DMD: variants seen among roughly 807,000 people sequenced by gnomAD.
DMD encodes the protein mutant dystrophin.
In DMD, 63 loss-of-function variants were observed where a neutral mutation model predicts 330.1. That is an observed-to-expected ratio of 0.19 (90% CI 0.16 to 0.24). The LOEUF is 0.24. Ranked by LOEUF, DMD falls within the 10% of genes least tolerant of loss-of-function variation. The probability of loss-of-function intolerance (pLI) is 1.00; values close to 1 mark genes in which losing one functional copy is unlikely to be tolerated. For missense variants in DMD, 3,344 were observed against 2,684.1 expected, an observed-to-expected ratio of 1.25 and a Z score of -5.43; for synonymous variants, 1,223 against 959.8, an observed-to-expected ratio of 1.27 and a Z score of -5.07.
chrX:32,650,893 A>C (rs1243722161), intron 9 of DMD, among the ~76,000 whole-genome samples: 5 of 111,721 alleles, frequency 4.5e-5, no homozygotes, highest in Non-Finnish European at 9.4e-5. Context: ...CTAATCACTT[A>C]ACACGCATTA....
At chrX:32,594,261 C>T (rs1053031021) in intron 13 of DMD, among the ~76,000 whole-genome samples, 1 of 111,700 alleles carries the variant, frequency 9.0e-6, no homozygotes, top group Admixed American at 9.5e-5. Context: ...TTTCCCCCAT[C>T]TGTACCTCTT....
intron 21 of DMD, among the ~76,000 whole-genome samples, chrX:32,474,454 G>A (rs2041013875): frequency 9.0e-6 from 1 of 111,657 alleles, no homozygotes; most frequent in African/African-American, 3.3e-5. Context: ...TTCCATAGTG[G>A]CTGTACTTGT....
chrX:32,863,289 G>A (rs1403985733), intron 2 of DMD, among the ~76,000 whole-genome samples: 1 of 109,430 alleles, frequency 9.1e-6, no homozygotes, highest in African/African-American at 3.4e-5. Context: ...GGCCGAGAAG[G>A]GCAGATCACT....
chrX:32,430,872 C>T (rs1389393338), intron 29 of DMD, among the ~76,000 whole-genome samples: 3 of 111,757 alleles, frequency 2.7e-5, no homozygotes, highest in African/African-American at 6.5e-5. Flanking sequence ...CATGTTGTTA[C>T]AGCGAAATGG....
chrX:33,024,975 G>T (rs1277114646), intron 1 of DMD, among the ~76,000 whole-genome samples: 1 of 111,308 alleles, frequency 9.0e-6, no homozygotes, highest in Admixed American at 9.5e-5. Flanking sequence ...CTATGACCTG[G>T]ACATTGCACT....
At chrX:32,755,856 C>T (rs886719911) in intron 7 of DMD, among the ~76,000 whole-genome samples, 5 of 111,777 alleles carry the variant, frequency 4.5e-5, no homozygotes, top group African/African-American at 1.6e-4. Flanking sequence ...GTATGGGTTT[C>T]GCTTGTGCTA....
intron 2 of DMD, among the ~76,000 whole-genome samples, chrX:33,008,939 C>CTT (rs1374053511): frequency 4.3e-5 from 4 of 93,685 alleles, no homozygotes; most frequent in African/African-American, 1.1e-4. Context: ...TATATATACA[C>CTT]ACGTATATAT....
intron 56 of DMD, among the ~76,000 whole-genome samples, chrX:31,501,668 C>T (rs1817603787): frequency 8.9e-6 from 1 of 111,981 alleles, no homozygotes. Context: ...TCTCTAGACA[C>T]AGATATTTCA....
At chrX:32,816,674 C>T (rs373485574) in intron 5 of DMD, 34 bp from the exon 6 acceptor site, 5 of 1,177,747 alleles carry the variant, frequency 4.2e-6, no homozygotes, top group African/African-American at 3.5e-5. Flanking sequence ...TAAGAAAATG[C>T]ATTCCTTGAG....
chrX:31,549,322 C>T (rs1473433138), intron 55 of DMD, among the ~76,000 whole-genome samples: 3 of 109,548 alleles, frequency 2.7e-5, no homozygotes, highest in African/African-American at 9.9e-5. Context: ...AGAACAACTA[C>T]CCTGAAAAAA....
chrX:32,654,347 G>GT (rs890403956), intron 9 of DMD, among the ~76,000 whole-genome samples: 1 of 111,666 alleles, frequency 9.0e-6, no homozygotes, highest in African/African-American at 3.3e-5. Context: ...TTTATTGAGA[G>GT]TTTTTAGCAT....
intron 21 of DMD, among the ~76,000 whole-genome samples, chrX:32,479,651 T>C (rs1453335005): frequency 9.1e-6 from 1 of 109,719 alleles, no homozygotes; most frequent in Non-Finnish European, 1.9e-5. Flanking sequence ...CCATTGCATA[T>C]ATATATCATA....
chrX:32,698,068 C>T, intron 8 of DMD, 70 bp from the exon 9 acceptor site: 1 of 1,058,555 alleles, frequency 9.4e-7, no homozygotes. Context: ...GAAAGGACTA[C>T]TTTCCAACAT....
intron 59 of DMD, among the ~76,000 whole-genome samples, chrX:31,449,868 A>ACTTCCCTT (rs1285580547): frequency 2.0e-5 from 2 of 102,485 alleles, no homozygotes; most frequent in Non-Finnish European, 2.0e-5. Context: ...TGTTTGAAAA[A>ACTTCCCTT]CTTCCCTTCT....
At chrX:31,524,246 A>T (rs935579952) in intron 55 of DMD, among the ~76,000 whole-genome samples, 1 of 111,962 alleles carries the variant, frequency 8.9e-6, no homozygotes, top group East Asian at 2.8e-4. Context: ...CTCTGAGTCA[A>T]TGAAGATTTT....
intron 57 of DMD, among the ~76,000 whole-genome samples, chrX:31,483,227 T>A (rs1234240250): frequency 9.3e-6 from 1 of 108,035 alleles, no homozygotes; most frequent in African/African-American, 3.4e-5. Context: ...TTTGTATTTT[T>A]AGTAGAGACG....
chrX:32,767,083 A>G (rs2073077807), intron 7 of DMD, among the ~76,000 whole-genome samples: 1 of 111,412 alleles, frequency 9.0e-6, no homozygotes, highest in Non-Finnish European at 1.9e-5. Flanking sequence ...AACCAAAAGC[A>G]ACACCGCTAA....
chrX:31,134,120 AGTT>A lies in DMD; in HGVS notation c.10993_10995del (p.Asn3665del), dbSNP rs769217472. On this transcript the variant is annotated inframe_deletion, in exon 77 of 79. Transcript: ENST00000357033. ...AGCTTACCTCTTGAACTAGGGAAGG[AGTT>A]GTTGAGTTGCTCCATCACCTCCTCT... 1 of 1,210,578 alleles carries A rather than the reference AGTT, an allele frequency of 8.3e-7. No homozygotes were observed. The highest frequency in any genetic ancestry group is 1.8e-5 in the South Asian group (1 of 56,846).
At chrX:31,372,805 G>C (rs1409419098) in intron 60 of DMD, among the ~76,000 whole-genome samples, 1 of 111,334 alleles carries the variant, frequency 9.0e-6, no homozygotes, top group Non-Finnish European at 1.9e-5. Flanking sequence ...TCAACATAGT[G>C]TTGGAAGTTC....
Sources: allele counts gnomAD v4.1 joint callset (sites outside exome capture counted in the v4.1 genomes callset), GRCh38; gene constraint gnomAD v4.1.1; transcripts MANE v1.5; gene names NCBI Gene and HGNC (gene_info 2026-07-23, HGNC 2026-07-21).